ELF1: variants seen among roughly 807,000 people sequenced by gnomAD.
ELF1 encodes the protein ETS-related transcription factor Elf-1.
Under a neutral mutation model 59.9 loss-of-function variants are expected in ELF1, and 24 were observed. The ratio of observed to expected loss-of-function variants is 0.40; its 90% confidence interval spans 0.29 to 0.56. The LOEUF is 0.56. Among genes scored for constraint, ELF1 ranks in the 20% least tolerant of loss-of-function variants. The probability of loss-of-function intolerance (pLI) is 0.44; values close to 1 mark genes in which losing one functional copy is unlikely to be tolerated. For missense variants in ELF1, 627 were observed against 742.2 expected (o/e 0.84, Z 1.80); for synonymous variants, 248 against 266.2 (o/e 0.93, Z 0.67).
intron 7 of ELF1, 54 bp downstream of exon 7, chr13:40,942,898 T>C: frequency 7.0e-7 from 1 of 1,424,372 alleles, no homozygotes. Flanking sequence ...TATTTTTTTT[T>C]ACAATTTAGA....
In ELF1 at chr13:41,051,547, A is replaced by AAC. The variant is rs545249919; in HGVS notation, c.-229+9289_-229+9290dup. On this transcript the variant is annotated intron_variant, in intron 1 of 1. Transcript: ENST00000405737. The stretch of plus-strand genomic sequence containing the variant: ...TGTTTGATTAAAACTGAAAATGAAA[A>AAC]ACACACACACACACACCTGAAAACG... Among the ~76,000 whole-genome samples, 452 of 151,932 alleles carry AAC rather than the reference A, an allele frequency of 3.0e-3. 7 individuals carry two copies. In the East Asian group the frequency reaches 0.049, roughly 17 times the overall value.
chr13:40,981,354 G>C (rs754937831), intron 2 of ELF1, among the ~76,000 whole-genome samples: 2 of 151,958 alleles, frequency 1.3e-5, no homozygotes, highest in African/African-American at 4.8e-5. Flanking sequence ...GTTGTGGGGA[G>C]GGGGGAAGGA....
chr13:40,981,061 AATTTT>A (rs1873234018), intron 2 of ELF1, among the ~76,000 whole-genome samples: 1 of 152,098 alleles, frequency 6.6e-6, no homozygotes, highest in Non-Finnish European at 1.5e-5. Context: ...CAAAAGTAAG[AATTTT>A]ATTATTTGTA....
chr13:40,957,167 C>T (rs9590565), intron 3 of ELF1, among the ~76,000 whole-genome samples: 37,071 of 96,744 alleles, frequency 0.38, 7,827 homozygotes, highest in Middle Eastern at 0.59. Flanking sequence ...CATAGTGAGG[C>T]CTGCAGAAAT....
At chr13:40,988,487 A>C (rs1437092242) in intron 1 of ELF1, among the ~76,000 whole-genome samples, 3 of 152,246 alleles carry the variant, frequency 2.0e-5, no homozygotes, top group Non-Finnish European at 4.4e-5. Flanking sequence ...ACCATACCCC[A>C]GTACAACTGT....
chr13:41,039,932 G>A (rs1381908440), intron 1 of ELF1, among the ~76,000 whole-genome samples: 1 of 152,132 alleles, frequency 6.6e-6, no homozygotes, highest in East Asian at 1.9e-4. Flanking sequence ...TAGTCATACA[G>A]GAAAAGATGT....
At chr13:40,934,582 G>A (rs187807249) in intron 8 of ELF1, among the ~76,000 whole-genome samples, 252 of 151,868 alleles carry the variant, frequency 1.7e-3, no homozygotes, top group Admixed American at 0.012. Flanking sequence ...CACCACGCCC[G>A]GCTAATTTTT....
At chr13:41,033,651 T>C (rs924625152) in intron 1 of ELF1, among the ~76,000 whole-genome samples, 1 of 152,180 alleles carries the variant, frequency 6.6e-6, no homozygotes, top group Non-Finnish European at 1.5e-5. Flanking sequence ...TATTGTGAAC[T>C]GTGCATGCAA....
At chr13:41,051,427 G>A (rs1333495597) in intron 1 of ELF1, among the ~76,000 whole-genome samples, 1 of 151,882 alleles carries the variant, frequency 6.6e-6, no homozygotes, top group Non-Finnish European at 1.5e-5. Flanking sequence ...TCAGCTCTGT[G>A]CACCTTGGCA....
At chr13:41,054,463 G>C (rs1877215203) in intron 1 of ELF1, among the ~76,000 whole-genome samples, 1 of 152,148 alleles carries the variant, frequency 6.6e-6, no homozygotes, top group Non-Finnish European at 1.5e-5. Context: ...CAATTTCAGA[G>C]TTCGAAAGCC....
At chr13:41,052,877 T>G (rs576618627) in intron 1 of ELF1, among the ~76,000 whole-genome samples, 1 of 152,352 alleles carries the variant, frequency 6.6e-6, no homozygotes, top group East Asian at 1.9e-4. Flanking sequence ...CATAGTCTAC[T>G]TCACTTACAA....
At chr13:41,032,862 A>C (rs1240127458) in intron 1 of ELF1, among the ~76,000 whole-genome samples, 1 of 150,818 alleles carries the variant, frequency 6.6e-6, no homozygotes. Flanking sequence ...AAAAAAAAAA[A>C]AAACAAACCA....
upstream of ELF1, among the ~76,000 whole-genome samples, chr13:41,022,378 T>A (rs928943928): frequency 1.2e-4 from 18 of 151,990 alleles, no homozygotes; most frequent in African/African-American, 4.4e-4. Context: ...GGCACAGAAA[T>A]CCTATCAGTT....
At chr13:40,951,061 A>G (rs1411017501) in intron 4 of ELF1, among the ~76,000 whole-genome samples, 1 of 152,210 alleles carries the variant, frequency 6.6e-6, no homozygotes, top group Non-Finnish European at 1.5e-5. Flanking sequence ...ACTCTCATCA[A>G]TATGTTAAGA....
chr13:40,963,476 T>C (rs1379870836), intron 2 of ELF1, among the ~76,000 whole-genome samples: 1 of 152,242 alleles, frequency 6.6e-6, no homozygotes, highest in African/African-American at 2.4e-5. Context: ...GTACTTGCTT[T>C]TATCATGAAA....
intron 7 of ELF1, among the ~76,000 whole-genome samples, chr13:40,941,628 CT>C (rs1228620671): frequency 6.6e-6 from 1 of 152,108 alleles, no homozygotes; most frequent in East Asian, 1.9e-4. Context: ...ATCCTCTGGT[CT>C]TTCACTTTTC....
chr13:40,983,283 G>A (rs571261502), intron 1 of ELF1, among the ~76,000 whole-genome samples: 5 of 152,240 alleles, frequency 3.3e-5, no homozygotes, highest in Admixed American at 3.3e-4. Flanking sequence ...AAAAGAAGTT[G>A]ACTCCAAGGA....
Position 40,962,503 on chromosome 13 carries a change from T to C in ELF1, c.73-3487A>G, listed in dbSNP as rs1363106656. ...TTCGAGATCAGCCTGGCCAACACGGTGAAACCTTGTCTTTACTAAAAAAAT... is the reference window on the plus strand; with the variant it reads ...TTCGAGATCAGCCTGGCCAACACGGCGAAACCTTGTCTTTACTAAAAAAAT... On this transcript the variant is annotated intron_variant, in intron 2 of 8. Transcript: ENST00000239882. Among the ~76,000 whole-genome samples the C allele has an allele frequency of 2.7e-5, 4 of 150,704 alleles. No individual in the cohort carries two copies. The South Asian group carries it at 6.3e-4, about 24-fold the overall frequency.
At chr13:41,053,498 C>T (rs1417432073) in intron 1 of ELF1, among the ~76,000 whole-genome samples, 1 of 152,192 alleles carries the variant, frequency 6.6e-6, no homozygotes, top group Non-Finnish European at 1.5e-5. Flanking sequence ...CCATTCTCCT[C>T]AGTGTGGATA....
Sources: gnomAD v4.1 joint callset for allele counts (sites outside exome capture counted in the v4.1 genomes callset) on GRCh38, gnomAD v4.1.1 for gene constraint, MANE v1.5 for transcripts, NCBI Gene and HGNC (gene_info 2026-07-23, HGNC 2026-07-21) for gene names.